The following THADA variants were observed in gnomAD, a reference collection of about 807,000 sequenced individuals.
THADA encodes the protein tRNA (32-2'-O)-methyltransferase regulator THADA.
In THADA, 213 loss-of-function variants were observed where a neutral mutation model predicts 219.8. The observed-to-expected ratio is 0.97, with a 90% CI of 0.87 to 1.09. The LOEUF (loss-of-function observed/expected upper bound fraction) is 1.09, where lower values mean the gene tolerates loss of function less well. THADA is among the 50% of genes least tolerant of loss of function. The pLI, the probability that THADA is intolerant of heterozygous loss-of-function variation, is 0.00. For missense variants in THADA, 2,956 were observed against 2,311.3 expected (o/e 1.28, Z -5.72); for synonymous variants, 1,018 against 828.9 (o/e 1.23, Z -3.92).
chr2:43,349,965 C>T (rs1294091568), intron 29 of THADA, among the ~76,000 whole-genome samples: 1 of 152,194 alleles, frequency 6.6e-6, no homozygotes, highest in African/African-American at 2.4e-5. Flanking sequence ...AAAGCTAAGT[C>T]AGTGCCACAT....
At chr2:43,476,544 G>T (rs1418430470) in intron 26 of THADA, among the ~76,000 whole-genome samples, 1 of 152,176 alleles carries the variant, frequency 6.6e-6, no homozygotes, top group Non-Finnish European at 1.5e-5. Flanking sequence ...GCAGCCAAAA[G>T]GATTCTAGCT....
At chr2:43,552,104 C>T (rs1404163466) in intron 18 of THADA, 100 bp downstream of exon 18, 4 of 1,529,346 alleles carry the variant, frequency 2.6e-6, no homozygotes, top group South Asian at 1.3e-5. Context: ...TTATTCAAAG[C>T]AATAGACTGC....
intron 22 of THADA, among the ~76,000 whole-genome samples, chr2:43,524,080 A>T (rs1692842389): frequency 6.6e-6 from 1 of 152,208 alleles, no homozygotes; most frequent in African/African-American, 2.4e-5. Flanking sequence ...TAACCACTCC[A>T]ATCAAATGCT....
Position 43,321,634 on chromosome 2 carries a change from G to C in THADA, c.4344-1094C>G, listed in dbSNP as rs191728805. ...TTTCTGCCTTCAGCCTTCCACCATG[G>C]GATGACCCTCACCAGATGCCAGTGC... On this transcript the variant is annotated intron_variant, in intron 30 of 37. Transcript: ENST00000405975. 2.6e-4 allele frequency among the ~76,000 whole-genome samples: 40 copies of C among 152,220 alleles called. No homozygotes were observed. In the East Asian group the frequency reaches 6.9e-3, roughly 26 times the overall value.
At chr2:43,518,345 C>A (rs1351104497) in intron 22 of THADA, among the ~76,000 whole-genome samples, 1 of 152,158 alleles carries the variant, frequency 6.6e-6, no homozygotes, top group Non-Finnish European at 1.5e-5. Context: ...CTGTTAAGAG[C>A]CAGCAGTTGA....
At chr2:43,246,315 C>T (rs1012749566) in intron 36 of THADA, among the ~76,000 whole-genome samples, 10 of 152,040 alleles carry the variant, frequency 6.6e-5, no homozygotes, top group Admixed American at 2.0e-4. Context: ...GCCAACATGG[C>T]GAAACCCTGT....
chr2:43,590,696 C>G, intron 4 of THADA, 128 bp downstream of exon 4: 2 of 696,658 alleles, frequency 2.9e-6, no homozygotes, highest in East Asian at 6.9e-5. Context: ...AAACAGAGAA[C>G]AAACCATATG....
At chr2:43,499,414 T>C (rs1688647559) in intron 24 of THADA, among the ~76,000 whole-genome samples, 1 of 152,214 alleles carries the variant, frequency 6.6e-6, no homozygotes, top group South Asian at 2.1e-4. Flanking sequence ...TTCACTCTTG[T>C]CGCCCAGGCT....
intron 31 of THADA, among the ~76,000 whole-genome samples, chr2:43,303,846 A>C (rs1440744392): frequency 6.6e-6 from 1 of 152,072 alleles, no homozygotes; most frequent in East Asian, 1.9e-4. Context: ...GGCGGTTCTC[A>C]AACTTTAGCT....
intron 26 of THADA, among the ~76,000 whole-genome samples, chr2:43,444,050 A>G (rs1045088949): frequency 1.3e-5 from 2 of 152,212 alleles, no homozygotes; most frequent in Non-Finnish European, 2.9e-5. Context: ...TTTATTTTAA[A>G]AGCTTTAGAA....
chr2:43,310,398 G>C (rs184032904), intron 31 of THADA, among the ~76,000 whole-genome samples: 102 of 152,220 alleles, frequency 6.7e-4, no homozygotes, highest in African/African-American at 2.3e-3. Context: ...TAGATACATA[G>C]ATCAATGGAA....
intron 21 of THADA, among the ~76,000 whole-genome samples, chr2:43,539,135 T>A (rs1176914882): frequency 1.3e-5 from 2 of 152,214 alleles, no homozygotes; most frequent in Admixed American, 1.3e-4. Context: ...CCCCTCTAAC[T>A]AGGGTTGCAT....
chr2:43,381,917 T>C (rs559307724), intron 29 of THADA, among the ~76,000 whole-genome samples: 5 of 152,302 alleles, frequency 3.3e-5, no homozygotes, highest in Non-Finnish European at 7.3e-5. Context: ...TGTGATAGCA[T>C]GTACCCTGGA....
chr2:43,281,876 T>C lies in THADA; in HGVS notation c.5165-1980A>G, dbSNP rs139267756. 2.6e-3 allele frequency among the ~76,000 whole-genome samples: 394 copies of C among 152,242 alleles called. 1 individual carries two copies. The highest frequency in any genetic ancestry group is 9.2e-3 in the African/African-American group (382 of 41,536). On this transcript the variant is annotated intron_variant, in intron 35 of 37. Coordinates refer to ENST00000405975, the MANE Select transcript of THADA (RefSeq NM_022065.5). ...GCTCGACCTCCCAGGTTCAAGGAATTCTCCTGCCTTAGCCTCCTGAGTAGC... is the reference window on the plus strand; with the variant it reads ...GCTCGACCTCCCAGGTTCAAGGAATCCTCCTGCCTTAGCCTCCTGAGTAGC...
At chr2:43,286,501 G>A (rs1011847701) in intron 35 of THADA, among the ~76,000 whole-genome samples, 1 of 152,162 alleles carries the variant, frequency 6.6e-6, no homozygotes, top group Non-Finnish European at 1.5e-5. Flanking sequence ...AGTACTTTGG[G>A]AGGCTGAGGT....
intron 28 of THADA, among the ~76,000 whole-genome samples, chr2:43,419,013 A>G (rs1573552541): frequency 6.6e-6 from 1 of 152,310 alleles, no homozygotes; most frequent in Non-Finnish European, 1.5e-5. Context: ...GAGACTAAAC[A>G]CAGACCACCT....
chr2:43,497,915 A>T (rs1169212551), intron 25 of THADA, among the ~76,000 whole-genome samples: 1 of 152,042 alleles, frequency 6.6e-6, no homozygotes. Context: ...ACAAAAAACT[A>T]GATGACAGGT....
intron 36 of THADA, among the ~76,000 whole-genome samples, chr2:43,271,434 C>G (rs1672111074): frequency 6.6e-6 from 1 of 152,152 alleles, no homozygotes; most frequent in African/African-American, 2.4e-5. Flanking sequence ...GCTCCCCCAC[C>G]AGGTAGATCT....
At chr2:43,239,071 TG>T (rs1431340780) in intron 36 of THADA, among the ~76,000 whole-genome samples, 2 of 152,160 alleles carry the variant, frequency 1.3e-5, no homozygotes, top group African/African-American at 4.8e-5. Context: ...CCTACACAAG[TG>T]GGATTAACAT....
Sources: allele counts gnomAD v4.1 joint callset (sites outside exome capture counted in the v4.1 genomes callset), GRCh38; gene constraint gnomAD v4.1.1; transcripts MANE v1.5; gene names NCBI Gene and HGNC (gene_info 2026-07-23, HGNC 2026-07-21).